Variants in EYS observed in about 807,000 individuals in gnomAD.
The protein encoded by EYS is EGF-like photoreceptor maintenance factor, also known as protein eyes shut homolog.
In EYS, 250 loss-of-function variants were observed where a neutral mutation model predicts 282.1. The ratio of observed to expected loss-of-function variants is 0.89; its 90% CI spans 0.80 to 0.98. The LOEUF (loss-of-function observed/expected upper bound fraction) is 0.98, where lower values mean the gene tolerates loss of function less well. EYS is among the 50% of genes least tolerant of loss of function. The probability of loss-of-function intolerance (pLI) is 0.00; values close to 1 mark genes in which losing one functional copy is unlikely to be tolerated. For missense variants in EYS, 4,016 were observed against 3,709.0 expected (o/e 1.08, Z -2.15); for synonymous variants, 1,355 against 1,282.9 (o/e 1.06, Z -1.20).
At chr6:65,368,127 C>T (rs1764985185) in intron 8 of EYS, among the ~76,000 whole-genome samples, 1 of 151,410 alleles carries the variant, frequency 6.6e-6, no homozygotes, top group Non-Finnish European at 1.5e-5. Flanking sequence ...TAAAAAAAAC[C>T]ATCAGATATT....
At chr6:64,925,941 A>G (rs1768504778) in intron 15 of EYS, among the ~76,000 whole-genome samples, 1 of 152,152 alleles carries the variant, frequency 6.6e-6, no homozygotes, top group Non-Finnish European at 1.5e-5. Context: ...GAGGAGCAGA[A>G]TAATCATTGC....
intron 36 of EYS, among the ~76,000 whole-genome samples, chr6:63,843,091 G>A (rs960947860): frequency 1.3e-4 from 20 of 152,256 alleles, no homozygotes; most frequent in African/African-American, 4.8e-4. Flanking sequence ...GGCTATACAA[G>A]CTCTTTTTTG....
At chr6:63,909,226 A>G (rs1581964672) in intron 35 of EYS, among the ~76,000 whole-genome samples, 1 of 152,216 alleles carries the variant, frequency 6.6e-6, no homozygotes, top group East Asian at 1.9e-4. Context: ...GCAAAAAGGA[A>G]TAGCAAGTGA....
intron 33 of EYS, among the ~76,000 whole-genome samples, chr6:64,020,352 C>A (rs944750790): frequency 2.2e-4 from 33 of 152,060 alleles, no homozygotes; most frequent in Admixed American, 2.2e-3. Flanking sequence ...TGTAATATAT[C>A]ATAAAACCTT....
Position 64,151,348 on chromosome 6 carries a change from TATATATATATATATAA to T in EYS, c.6425-69362_6425-69347del, listed in dbSNP as rs1562226761. On this transcript the variant is annotated intron_variant, in intron 31 of 42. Transcript: ENST00000503581. Reference sequence around the variant, plus strand: ...ATATATATATATATATATATATATATATATATATATATATAATTTTTTTTTTCTTTTGAGATGGAGT... The same window carrying T: ...ATATATATATATATATATATATATATTTTTTTTTTTCTTTTGAGATGGAGT... 2.6e-3 allele frequency among the ~76,000 whole-genome samples: 302 copies of T among 117,338 alleles called. 9 individuals are homozygous for T. Among genetic ancestry groups the T allele is most frequent in the African/African-American group, 0.012 (280 of 24,042 alleles). The allele number at this position is 117,338 out of a possible 152,430, so 77.0% of individuals were successfully genotyped here. A position where few individuals can be genotyped will look rare whatever the true frequency, so the allele number is the denominator to read the frequency against.
intron 35 of EYS, among the ~76,000 whole-genome samples, chr6:63,929,280 G>C (rs754165062): frequency 4.5e-4 from 69 of 152,178 alleles, no homozygotes; most frequent in Non-Finnish European, 9.3e-4. Context: ...TCAGTAAACT[G>C]TAAGAAAACT....
intron 33 of EYS, among the ~76,000 whole-genome samples, chr6:64,017,100 A>T (rs1256664391): frequency 6.6e-6 from 1 of 151,880 alleles, no homozygotes; most frequent in Non-Finnish European, 1.5e-5. Context: ...CTGAACTCTT[A>T]TATGAGTGCA....
At chr6:65,573,565 C>G (rs2127354502) in intron 2 of EYS, among the ~76,000 whole-genome samples, 1 of 152,298 alleles carries the variant, frequency 6.6e-6, no homozygotes, top group South Asian at 2.1e-4. Context: ...TATGTTCACG[C>G]AGGTATTCTG....
chr6:64,690,453 T>C (rs1283341584), intron 22 of EYS, among the ~76,000 whole-genome samples: 1 of 152,144 alleles, frequency 6.6e-6, no homozygotes, highest in African/African-American at 2.4e-5. Context: ...AGAAATACCA[T>C]TTGACCCAAA....
At chr6:63,892,810 A>T (rs554617934) in intron 35 of EYS, among the ~76,000 whole-genome samples, 1 of 152,328 alleles carries the variant, frequency 6.6e-6, no homozygotes, top group Admixed American at 6.5e-5. Flanking sequence ...AGAATGAGAG[A>T]AAAATTTTGC....
chr6:63,894,822 C>G (rs546756032), intron 35 of EYS, among the ~76,000 whole-genome samples: 3 of 152,122 alleles, frequency 2.0e-5, no homozygotes, highest in African/African-American at 4.8e-5. Flanking sequence ...CTCCTGACCT[C>G]GTGATCCGGC....
intron 11 of EYS, among the ~76,000 whole-genome samples, chr6:65,321,275 A>G (rs1769468721): frequency 6.6e-6 from 1 of 152,142 alleles, no homozygotes; most frequent in African/African-American, 2.4e-5. Context: ...CTAAAATATA[A>G]AACAGACTGG....
chr6:65,519,147 C>A (rs1470161413), intron 2 of EYS, among the ~76,000 whole-genome samples: 4 of 152,112 alleles, frequency 2.6e-5, no homozygotes, highest in Non-Finnish European at 4.4e-5. Flanking sequence ...TTGTAGCACA[C>A]TATTAATAAT....
At chr6:64,188,254 T>A (rs1487318326) in intron 31 of EYS, among the ~76,000 whole-genome samples, 1 of 152,118 alleles carries the variant, frequency 6.6e-6, no homozygotes, top group African/African-American at 2.4e-5. Flanking sequence ...TTTGTCTCCC[T>A]ATCTGGTTTT....
At position 65,550,788 on chromosome 6, in the gene EYS, G is replaced by A. The variant is rs1314848086; in HGVS notation, c.-332-54795C>T. On this transcript the variant is annotated intron_variant, in intron 2 of 42. Coordinates refer to ENST00000503581, the MANE Select transcript of EYS (RefSeq NM_001142800.2). Reference sequence around the variant, plus strand: ...AGTCTTTGCTATTGTGAATAGTGCCGCAATAAACATACGTGTGCATGTGTC... The same window carrying A: ...AGTCTTTGCTATTGTGAATAGTGCCACAATAAACATACGTGTGCATGTGTC... Among the ~76,000 whole-genome samples the A allele has an allele frequency of 2.6e-4, 3 of 11,546 alleles. 1 individual carries two copies. The highest frequency in any genetic ancestry group is 1.3e-4 in the Non-Finnish European group (1 of 7,854). The allele number at this position is 11,546 out of a possible 152,430, so 7.6% of individuals were successfully genotyped here.
intron 35 of EYS, among the ~76,000 whole-genome samples, chr6:63,886,146 T>A (rs1773255897): frequency 6.6e-6 from 1 of 152,218 alleles, no homozygotes; most frequent in Non-Finnish European, 1.5e-5. Flanking sequence ...CTAAATAATT[T>A]GTAAATTTTA....
intron 30 of EYS, among the ~76,000 whole-genome samples, chr6:64,231,308 CA>C (rs1225159758): frequency 6.6e-5 from 10 of 151,682 alleles, no homozygotes; most frequent in Non-Finnish European, 1.5e-4. Context: ...TTTTTTTTTA[CA>C]AATTTTAATA....
At chr6:64,753,049 C>T (rs764707078) in intron 22 of EYS, among the ~76,000 whole-genome samples, 3 of 152,154 alleles carry the variant, frequency 2.0e-5, no homozygotes, top group Non-Finnish European at 4.4e-5. Flanking sequence ...CAAACAAATG[C>T]TAAGGAAATT....
intron 42 of EYS, among the ~76,000 whole-genome samples, chr6:63,724,104 GC>G (rs1170765557): frequency 6.6e-6 from 1 of 152,120 alleles, no homozygotes; most frequent in Non-Finnish European, 1.5e-5. Flanking sequence ...ACTGCACCTG[GC>G]CTTGGATTCG....
Sources: gnomAD v4.1 joint callset for allele counts (sites outside exome capture counted in the v4.1 genomes callset) on GRCh38, gnomAD v4.1.1 for gene constraint, MANE v1.5 for transcripts, NCBI Gene and HGNC (gene_info 2026-07-23, HGNC 2026-07-21) for gene names.